DCDC1: variants seen among roughly 807,000 people sequenced by gnomAD.
DCDC1 encodes doublecortin domain containing 1.
A neutral mutation model predicts 178.3 loss-of-function variants in DCDC1; 200 were observed. The observed-to-expected ratio is 1.12, with a 90% CI of 1.00 to 1.26. The LOEUF is 1.26. Ranked by LOEUF, DCDC1 falls within the 50% of genes most tolerant of loss-of-function variation. The pLI, the probability that DCDC1 is intolerant of heterozygous loss-of-function variation, is 0.00. For missense variants in DCDC1, 1,983 were observed against 1,749.2 expected (o/e 1.13, Z -2.38); for synonymous variants, 690 against 604.8 (o/e 1.14, Z -2.07).
At chr11:31,153,112 C>G (rs144437945) in intron 9 of DCDC1, among the ~76,000 whole-genome samples, 4 of 152,244 alleles carry the variant, frequency 2.6e-5, no homozygotes, top group East Asian at 1.9e-4. Context: ...ATTTTGAGCT[C>G]TAATGTAAGA....
chr11:31,135,254 A>G (rs1962981887), intron 10 of DCDC1, among the ~76,000 whole-genome samples: 1 of 152,194 alleles, frequency 6.6e-6, no homozygotes, highest in Non-Finnish European at 1.5e-5. Flanking sequence ...AAGTAAATTC[A>G]CCACCAAATT....
chr11:31,145,292 G>C (rs1178899734), intron 9 of DCDC1, among the ~76,000 whole-genome samples: 2 of 152,182 alleles, frequency 1.3e-5, no homozygotes, highest in African/African-American at 4.8e-5. Context: ...GGCCACAAAG[G>C]ATTGATGGGG....
intron 3 of DCDC1, among the ~76,000 whole-genome samples, chr11:31,312,250 C>T (rs1258499510): frequency 6.6e-6 from 1 of 152,170 alleles, no homozygotes; most frequent in Non-Finnish European, 1.5e-5. Context: ...CTAATGCCTA[C>T]ATAGCATTTA....
At chr11:31,132,955 G>C (rs943255168) in intron 10 of DCDC1, among the ~76,000 whole-genome samples, 2 of 152,180 alleles carry the variant, frequency 1.3e-5, no homozygotes, top group African/African-American at 2.4e-5. Context: ...TAAACATACA[G>C]ACAGGTTTTT....
At chr11:30,875,376 G>C (rs967894814) in intron 38 of DCDC1, among the ~76,000 whole-genome samples, 8 of 152,166 alleles carry the variant, frequency 5.3e-5, no homozygotes, top group African/African-American at 1.9e-4. Flanking sequence ...ACCAGAACCA[G>C]CGGTTCAATA....
chr11:31,326,249 A>G (rs1354501934), intron 3 of DCDC1, among the ~76,000 whole-genome samples: 1 of 152,174 alleles, frequency 6.6e-6, no homozygotes, highest in Non-Finnish European at 1.5e-5. Context: ...ACATGAGAAG[A>G]AAGACTGACA....
intron 8 of DCDC1, among the ~76,000 whole-genome samples, chr11:31,259,100 C>A (rs575728494): frequency 1.2e-4 from 19 of 152,196 alleles, no homozygotes; most frequent in Non-Finnish European, 2.8e-4. Flanking sequence ...TCTGAAATCC[C>A]AGCACTTTGG....
chr11:31,135,013 TAA>T (rs1356532813), intron 10 of DCDC1, among the ~76,000 whole-genome samples: 1 of 152,066 alleles, frequency 6.6e-6, no homozygotes, highest in Middle Eastern at 3.2e-3. Context: ...AAAAAATTTT[TAA>T]AAAAATTTTA....
At chr11:31,309,227 G>T (rs1948631486) in intron 3 of DCDC1, among the ~76,000 whole-genome samples, 1 of 151,904 alleles carries the variant, frequency 6.6e-6, no homozygotes, top group Non-Finnish European at 1.5e-5. Flanking sequence ...CCAAGCAGTT[G>T]TATTCTGCTG....
Position 31,250,823 on chromosome 11 carries a change from C to G in DCDC1, c.1055-9207G>C, listed in dbSNP as rs184161545. On this transcript the variant is annotated intron_variant, in intron 8 of 38. Transcript: ENST00000684477. ...AGGCTGGAGTGCAGTGGCGTGATCT[C>G]GGTTCACTGCAACCACCACCTCCTG... 5.1e-4 allele frequency among the ~76,000 whole-genome samples: 77 copies of G among 151,394 alleles called. 1 individual carries two copies. Among genetic ancestry groups the G allele is most frequent in the African/African-American group, 1.6e-3 (68 of 41,244 alleles).
chr11:31,266,873 G>A (rs1290925725), intron 7 of DCDC1, among the ~76,000 whole-genome samples: 2 of 152,186 alleles, frequency 1.3e-5, no homozygotes, highest in African/African-American at 4.8e-5. Flanking sequence ...CATTGTGACT[G>A]ATTTGGTTTA....
intron 17 of DCDC1, among the ~76,000 whole-genome samples, chr11:31,084,417 T>G (rs1957358847): frequency 6.6e-6 from 1 of 152,146 alleles, no homozygotes; most frequent in South Asian, 2.1e-4. Context: ...ATTTTAGATG[T>G]CCTGGAAAAG....
At chr11:31,147,028 C>T (rs1964524888) in intron 9 of DCDC1, among the ~76,000 whole-genome samples, 1 of 152,028 alleles carries the variant, frequency 6.6e-6, no homozygotes. Flanking sequence ...GGCAGAAGTC[C>T]CTTCTGCCTA....
chr11:31,127,699 T>C, intron 10 of DCDC1, 60 bp from the exon 11 acceptor site: 1 of 671,500 alleles, frequency 1.5e-6, no homozygotes, highest in Non-Finnish European at 2.7e-6. Context: ...TCACACCTAT[T>C]AGATTTTTGA....
At chr11:31,067,515 A>G (rs186466846) in intron 18 of DCDC1, among the ~76,000 whole-genome samples, 2 of 152,264 alleles carry the variant, frequency 1.3e-5, no homozygotes, top group Admixed American at 1.3e-4. Flanking sequence ...GACTTTTCAT[A>G]CGGCCCAGCA....
intron 10 of DCDC1, among the ~76,000 whole-genome samples, chr11:31,133,050 T>C (rs1044898836): frequency 6.6e-6 from 1 of 152,248 alleles, no homozygotes; most frequent in Non-Finnish European, 1.5e-5. Context: ...AGATGATTTA[T>C]AGTCAGAGCA....
intron 34 of DCDC1, among the ~76,000 whole-genome samples, chr11:30,896,195 T>C (rs1447296731): frequency 1.3e-5 from 2 of 152,220 alleles, no homozygotes; most frequent in Non-Finnish European, 2.9e-5. Flanking sequence ...CAATAATGTA[T>C]TGAACGAATT....
chr11:31,120,454 AG>A (rs1336719288), intron 11 of DCDC1, among the ~76,000 whole-genome samples: 1 of 152,164 alleles, frequency 6.6e-6, no homozygotes, highest in Non-Finnish European at 1.5e-5. Context: ...AAAAAGACCC[AG>A]AAGAAAGAGC....
intron 13 of DCDC1, among the ~76,000 whole-genome samples, chr11:31,105,124 A>G (rs1958766066): frequency 6.6e-6 from 1 of 152,076 alleles, no homozygotes; most frequent in South Asian, 2.1e-4. Context: ...TTAGACATAT[A>G]CATTTTAAAC....
Sources: allele counts gnomAD v4.1 joint callset (sites outside exome capture counted in the v4.1 genomes callset), GRCh38; gene constraint gnomAD v4.1.1; transcripts MANE v1.5; gene names NCBI Gene and HGNC (gene_info 2026-07-23, HGNC 2026-07-21).